The following SAMTOR variants were observed in gnomAD, a reference collection of about 807,000 sequenced individuals.
SAMTOR encodes the protein S-adenosylmethionine sensor upstream of mTORC1, also known as UPF0532 protein C7orf60.
the SAMTOR span, among the ~76,000 whole-genome samples, chr7:112,853,589 TTGAG>T: frequency 6.6e-6 from 1 of 152,168 alleles, no homozygotes; most frequent in African/African-American, 2.4e-5. Context: ...TTTTTGCTTA[TTGAG>T]TAAGAAAACC....
chr7:112,901,044 G>T, the SAMTOR span, among the ~76,000 whole-genome samples: 1 of 152,126 alleles, frequency 6.6e-6, no homozygotes, highest in Non-Finnish European at 1.5e-5. Context: ...TAAGCTGAAC[G>T]TCACTAAATT....
At chr7:112,832,168 C>T in the SAMTOR span, among the ~76,000 whole-genome samples, 16 of 151,964 alleles carry the variant, frequency 1.1e-4, no homozygotes, top group South Asian at 1.2e-3. Flanking sequence ...CTTGCCACCA[C>T]GCCCAGCTAC....
chr7:112,864,239 G>A, the SAMTOR span, among the ~76,000 whole-genome samples: 1 of 152,124 alleles, frequency 6.6e-6, no homozygotes, highest in African/African-American at 2.4e-5. Flanking sequence ...AAACCTATTG[G>A]AGGGTGGGAA....
the SAMTOR span, among the ~76,000 whole-genome samples, chr7:112,870,763 AAAC>A: frequency 1.3e-5 from 2 of 151,616 alleles, no homozygotes; most frequent in African/African-American, 4.9e-5. Context: ...AAAAAAAAAA[AAAC>A]CCACCCATCT....
At chr7:112,826,602 T>A in the SAMTOR span, among the ~76,000 whole-genome samples, 3 of 152,136 alleles carry the variant, frequency 2.0e-5, no homozygotes, top group Admixed American at 2.0e-4. Flanking sequence ...ATTTTCCCTA[T>A]TTTTCTGAAA....
the SAMTOR span, among the ~76,000 whole-genome samples, chr7:112,865,588 C>CAT: frequency 1.8e-3 from 269 of 146,224 alleles, no homozygotes; most frequent in East Asian, 0.012. Context: ...CCGTCTCATT[C>CAT]ATATATATAT....
the SAMTOR span, among the ~76,000 whole-genome samples, chr7:112,926,772 A>G: frequency 6.6e-6 from 1 of 152,220 alleles, no homozygotes; most frequent in East Asian, 1.9e-4. Flanking sequence ...GGGAGAAGAC[A>G]TGTAAAATGT....
chr7:112,857,313 A>G, the SAMTOR span, among the ~76,000 whole-genome samples: 143,018 of 144,766 alleles, frequency 0.99, 70,648 homozygotes, highest in South Asian at 1. Flanking sequence ...GGATGGTCTC[A>G]ATCTCCTGAC....
chr7:112,935,357 C>T, the SAMTOR span: 2 of 331,484 alleles, frequency 6.0e-6, no homozygotes, highest in East Asian at 1.8e-4. Flanking sequence ...AAAACACCAA[C>T]ATCACATTCA....
chr7:112,823,147 TACAAGCCGGCC>T, the SAMTOR span, among the ~76,000 whole-genome samples: 1 of 152,188 alleles, frequency 6.6e-6, no homozygotes, highest in Non-Finnish European at 1.5e-5. Context: ...TTAGTGTATA[TACAAGCCGGCC>T]ACATAGTCAT....
chr7:112,908,813 G>C, the SAMTOR span, among the ~76,000 whole-genome samples: 4 of 152,148 alleles, frequency 2.6e-5, no homozygotes, highest in Non-Finnish European at 5.9e-5. Flanking sequence ...GTTGAATTCT[G>C]ATCCTGCCCC....
the SAMTOR span, among the ~76,000 whole-genome samples, chr7:112,826,716 T>C: frequency 6.6e-6 from 1 of 152,142 alleles, no homozygotes; most frequent in Non-Finnish European, 1.5e-5. Flanking sequence ...GCTTTGAGAC[T>C]GTTACCTAAT....
At chr7:112,854,599 A>C in the SAMTOR span, among the ~76,000 whole-genome samples, 1 of 152,196 alleles carries the variant, frequency 6.6e-6, no homozygotes, top group African/African-American at 2.4e-5. Flanking sequence ...GAATGTAGGA[A>C]ATGTATTCTC....
chr7:112,916,892 G>A, the SAMTOR span, among the ~76,000 whole-genome samples: 1 of 152,210 alleles, frequency 6.6e-6, no homozygotes, highest in Non-Finnish European at 1.5e-5. Flanking sequence ...GACTGGGGGA[G>A]GGGCGCCCGC....
At chr7:112,829,253 T>A in the SAMTOR span, among the ~76,000 whole-genome samples, 1 of 152,230 alleles carries the variant, frequency 6.6e-6, no homozygotes, top group Non-Finnish European at 1.5e-5. Flanking sequence ...ATTAATCCTA[T>A]CCAGTATGCA....
chr7:112,868,916 G>A, the SAMTOR span, among the ~76,000 whole-genome samples: 1 of 152,194 alleles, frequency 6.6e-6, no homozygotes, highest in African/African-American at 2.4e-5. Context: ...GAACAAGTCT[G>A]CATGGGTCAC....
At chr7:112,935,058 G>C in the SAMTOR span, 1,860 of 249,716 alleles carry the variant, frequency 7.4e-3, 21 homozygotes, top group Non-Finnish European at 8.8e-3. Context: ...AAACTTAACA[G>C]GACCTTCTGT....
chr7:112,933,548 T>C, the SAMTOR span, among the ~76,000 whole-genome samples: 1 of 152,208 alleles, frequency 6.6e-6, no homozygotes, highest in African/African-American at 2.4e-5. Flanking sequence ...CTCTGTATAC[T>C]GTATTTTTAT....
chr7:112,904,158 A>G, the SAMTOR span, among the ~76,000 whole-genome samples: 1 of 152,282 alleles, frequency 6.6e-6, no homozygotes, highest in Non-Finnish European at 1.5e-5. Context: ...CAAGAGAATG[A>G]AAAGGTTACA....
Sources: gnomAD v4.1 joint callset for allele counts (sites outside exome capture counted in the v4.1 genomes callset) on GRCh38, gnomAD v4.1.1 for gene constraint, MANE v1.5 for transcripts, NCBI Gene and HGNC (gene_info 2026-07-23, HGNC 2026-07-21) for gene names.